Variants in NKTR observed in about 807,000 individuals in gnomAD.
NKTR encodes the protein natural killer cell triggering receptor.
In NKTR, 67 loss-of-function variants were observed where a neutral mutation model predicts 156.3. The observed-to-expected ratio is 0.43, with a 90% CI of 0.35 to 0.53. NKTR has a LOEUF of 0.53. NKTR is among the 20% of genes least tolerant of loss of function. NKTR has a pLI of 0.01. For synonymous variants in NKTR, 640 were observed against 596.6 expected, an observed-to-expected ratio of 1.07 and a Z score of -1.06; for missense variants, 1,604 against 1,730.9, an observed-to-expected ratio of 0.93 and a Z score of 1.30.
At chr3:42,633,874 T>C (rs1709142196) in intron 10 of NKTR, 139 bp downstream of exon 10, 1 of 885,704 alleles carries the variant, frequency 1.1e-6, no homozygotes, top group Admixed American at 2.2e-5. Flanking sequence ...ATTAGATTAA[T>C]GAATGATACG....
intron 2 of NKTR, chr3:42,602,872 C>T (rs1488061646): frequency 1.3e-5 from 2 of 151,048 alleles, no homozygotes; most frequent in Non-Finnish European, 3.0e-5. Flanking sequence ...AAAAAATTAG[C>T]TGGGCATGGT....
At position 42,646,665 on chromosome 3, in the gene NKTR, C is replaced by T. The variant is rs1710362630; in HGVS notation, c.*690C>T. On this transcript the variant is annotated 3_prime_UTR_variant, in exon 17 of 17. Transcript: ENST00000232978. ...CTCTGAGGACTTACTATTTTATGTTCTTTTTAATCAATACCGATCAGAAGT... is the reference window on the plus strand; with the variant it reads ...CTCTGAGGACTTACTATTTTATGTTTTTTTTAATCAATACCGATCAGAAGT... The T allele has an allele frequency of 6.6e-6, 1 of 152,574 alleles. No homozygotes were observed. Among genetic ancestry groups the T allele is most frequent in the African/African-American group, 2.4e-5 (1 of 41,432 alleles). 9.5% of individuals were successfully genotyped at this position (152,574 alleles called of 1,614,324 possible).
At chr3:42,622,260 T>C (rs1261243783) in intron 6 of NKTR, among the ~76,000 whole-genome samples, 1 of 152,102 alleles carries the variant, frequency 6.6e-6, no homozygotes, top group African/African-American at 2.4e-5. Context: ...CTTTTAGTTA[T>C]ATTCTTATCT....
intron 6 of NKTR, among the ~76,000 whole-genome samples, chr3:42,625,963 C>T (rs946065579): frequency 1.3e-5 from 2 of 152,106 alleles, no homozygotes; most frequent in African/African-American, 4.8e-5. Flanking sequence ...ACTTTTGGAA[C>T]ACATGGGTAG....
At chr3:42,641,981 CT>C (rs1328829021) in intron 13 of NKTR, among the ~76,000 whole-genome samples, 1 of 151,432 alleles carries the variant, frequency 6.6e-6, no homozygotes, top group Non-Finnish European at 1.5e-5. Flanking sequence ...ATTTTGTTGT[CT>C]TTCTTTATAG....
At chr3:42,625,426 T>TG (rs1000646084) in intron 6 of NKTR, among the ~76,000 whole-genome samples, 16 of 144,884 alleles carry the variant, frequency 1.1e-4, no homozygotes, top group East Asian at 6.2e-4. Flanking sequence ...AATAGGGCAA[T>TG]GGGGGGGCGG....
Position 42,632,681 on chromosome 3 carries a change from T to A in NKTR, c.631T>A (p.Ser211Thr). The change falls in exon 9 of 17, where the codon TCT becomes ACT. Residue 211 changes from serine to threonine, a missense_variant. This residue lies in a region of NKTR where 1,255 missense variants were observed against 1,243.7 expected (regional missense o/e 1.01). Coordinates refer to ENST00000232978, the MANE Select transcript of NKTR (RefSeq NM_005385.4). Reference protein sequence around the residue: ...SSNSSSSSESSSESELEHERS... With the variant: ...SSNSSSSSESTSESELEHERS... Reference sequence around the variant, plus strand: ...CAATTCCTCCTCTTCTTCAGAATCATCTTCAGAAAGTGAACTTGAACATGA... The same window carrying A: ...CAATTCCTCCTCTTCTTCAGAATCAACTTCAGAAAGTGAACTTGAACATGA... The A allele has an allele frequency of 6.2e-7, 1 of 1,613,946 alleles. No homozygotes were observed.
At chr3:42,614,874 T>C (rs1007681374) in intron 2 of NKTR, among the ~76,000 whole-genome samples, 1 of 152,336 alleles carries the variant, frequency 6.6e-6, no homozygotes, top group East Asian at 1.9e-4. Flanking sequence ...ATTTTTCTTA[T>C]GTGCCAGGTT....
chr3:42,607,967 C>CTTTTTTTTT (rs1706383846), intron 2 of NKTR, among the ~76,000 whole-genome samples: 1 of 76,714 alleles, frequency 1.3e-5, no homozygotes, highest in Non-Finnish European at 2.9e-5. Context: ...TCCTGAGTCG[C>CTTTTTTTTT]TCTTTTTTTT....
At chr3:42,616,853 G>C (rs554660049) in intron 2 of NKTR, among the ~76,000 whole-genome samples, 1 of 152,204 alleles carries the variant, frequency 6.6e-6, no homozygotes, top group South Asian at 2.1e-4. Context: ...TTGAAATCCT[G>C]GGCTCAAGTG....
chr3:42,620,643 A>AT, intron 5 of NKTR: 1 of 982,520 alleles, frequency 1.0e-6, no homozygotes, highest in Non-Finnish European at 1.2e-6. Context: ...AAAAGGACAT[A>AT]TAAGTTAGTT....
At chr3:42,640,659 G>A (rs1447762816) in intron 13 of NKTR, among the ~76,000 whole-genome samples, 1 of 152,056 alleles carries the variant, frequency 6.6e-6, no homozygotes, top group African/African-American at 2.4e-5. Context: ...TTTTCTCCTC[G>A]GCTGTGTGCT....
rs1451863776 is a variant in NKTR, at chr3:42,648,600, ATAGC to A, written c.*2629_*2632del. On this transcript the variant is annotated 3_prime_UTR_variant, in exon 17 of 17. Coordinates refer to ENST00000232978, the MANE Select transcript of NKTR (RefSeq NM_005385.4). ...TTTTGTAACATCCTGTTTATTGCAA[ATAGC>A]TAGTATCGTTCAAAAACTGTATAAA... 6.5e-6 allele frequency: 1 copy of A among 152,690 alleles called. No individual in the cohort carries two copies. The highest frequency in any genetic ancestry group is 1.5e-5 in the Non-Finnish European group (1 of 68,056). 9.5% of individuals were successfully genotyped at this position (152,690 alleles called of 1,614,324 possible).
At chr3:42,608,521 TCA>T (rs1706462875) in intron 2 of NKTR, among the ~76,000 whole-genome samples, 2 of 152,176 alleles carry the variant, frequency 1.3e-5, no homozygotes, top group Non-Finnish European at 2.9e-5. Context: ...CTCATTGTGT[TCA>T]CCAGTCTGGA....
intron 13 of NKTR, among the ~76,000 whole-genome samples, chr3:42,641,559 C>T (rs1390700579): frequency 6.6e-6 from 1 of 152,098 alleles, no homozygotes; most frequent in Non-Finnish European, 1.5e-5. Flanking sequence ...ATAATACATA[C>T]TCATGTACCT....
chr3:42,627,249 GCTCT>G (rs1295965139), intron 6 of NKTR: 29 of 984,162 alleles, frequency 2.9e-5, no homozygotes, highest in Admixed American at 6.2e-5. Flanking sequence ...TTACTCTAAG[GCTCT>G]CTCTCTCTTT....
At chr3:42,642,197 C>G (rs903236941) in intron 13 of NKTR, among the ~76,000 whole-genome samples, 2 of 152,008 alleles carry the variant, frequency 1.3e-5, no homozygotes, top group African/African-American at 4.8e-5. Context: ...GTTTTTTTAA[C>G]CCATTCTACC....
At position 42,636,862 on chromosome 3, in the gene NKTR, C is replaced by A. The variant is rs1709464940; in HGVS notation, c.1164-6C>A. On this transcript the variant is annotated splice_polypyrimidine_tract_variant and splice_region_variant and intron_variant, in intron 12 of 16. Transcript: ENST00000232978. ...TCACCGCATGAATATTATGTCCTTTCTATAGGTTAAGTGACCCCTGTTCAA... is the reference window on the plus strand; with the variant it reads ...TCACCGCATGAATATTATGTCCTTTATATAGGTTAAGTGACCCCTGTTCAA... 1.9e-6 allele frequency: 3 copies of A among 1,549,358 alleles called. No individual in the cohort carries two copies. The highest frequency in any genetic ancestry group is 1.3e-5 in the South Asian group (1 of 79,692).
chr3:42,601,720 A>C (rs1001668463), intron 2 of NKTR: 3 of 152,206 alleles, frequency 2.0e-5, no homozygotes, highest in Non-Finnish European at 4.4e-5. Flanking sequence ...TAAGTAGCAG[A>C]GCGTGCAGGG....
Sources: gnomAD v4.1 joint callset for allele counts (sites outside exome capture counted in the v4.1 genomes callset) on GRCh38, gnomAD v4.1.1 for gene constraint, gnomAD v4.1.1 regional missense constraint, MANE v1.5 for transcripts, NCBI Gene and HGNC (gene_info 2026-07-23, HGNC 2026-07-21) for gene names.